The following DMD variants were observed in gnomAD, a reference collection of about 807,000 sequenced individuals.
The protein encoded by DMD is dystrophin.
DMD carries 63 observed loss-of-function variants against 330.1 expected under a neutral mutation model. The ratio of observed to expected loss-of-function variants is 0.19; its 90% confidence interval spans 0.16 to 0.24. The LOEUF (loss-of-function observed/expected upper bound fraction) is 0.24, where lower values mean the gene tolerates loss of function less well. Among genes scored for constraint, DMD ranks in the 10% least tolerant of loss-of-function variants. The pLI is 1.00. For missense variants in DMD, 3,344 were observed against 2,684.1 expected, an observed-to-expected ratio of 1.25 and a Z score of -5.43; for synonymous variants, 1,223 against 959.8, an observed-to-expected ratio of 1.27 and a Z score of -5.07.
chrX:32,978,609 A>G (rs1032188428), intron 2 of DMD, among the ~76,000 whole-genome samples: 1 of 111,722 alleles, frequency 9.0e-6, no homozygotes, highest in East Asian at 2.8e-4. Flanking sequence ...AGCTGGGATT[A>G]CAGGCGTGCG....
At chrX:32,415,346 G>A (rs189697498) in intron 29 of DMD, among the ~76,000 whole-genome samples, 1 of 111,822 alleles carries the variant, frequency 8.9e-6, no homozygotes, top group East Asian at 2.8e-4. Context: ...CTCTTTTCCT[G>A]GCCTGACAGT....
At chrX:31,915,036 A>T (rs190803047) in intron 47 of DMD, among the ~76,000 whole-genome samples, 4,092 of 112,283 alleles carry the variant, frequency 0.036, 203 homozygotes, top group African/African-American at 0.12. Context: ...ACAAAAATTT[A>T]AAAAAATTTT....
At chrX:31,684,918 T>G (rs1385509434) in intron 52 of DMD, among the ~76,000 whole-genome samples, 2 of 112,266 alleles carry the variant, frequency 1.8e-5, no homozygotes, top group African/African-American at 6.5e-5. Flanking sequence ...TTCTAACTTA[T>G]AGAGAGAGAC....
chrX:32,499,348 A>C (rs1354434449), intron 19 of DMD, among the ~76,000 whole-genome samples: 1 of 111,854 alleles, frequency 8.9e-6, no homozygotes, highest in African/African-American at 3.2e-5. Flanking sequence ...TATATGTTAA[A>C]TATTTTCACT....
At chrX:31,240,127 G>T (rs1487703703) in intron 63 of DMD, among the ~76,000 whole-genome samples, 1 of 110,687 alleles carries the variant, frequency 9.0e-6, no homozygotes, top group African/African-American at 3.3e-5. Flanking sequence ...CTGGGTTCCT[G>T]TCTTATTAAA....
At chrX:33,013,848 T>C (rs369636961) in intron 2 of DMD, among the ~76,000 whole-genome samples, 3 of 111,733 alleles carry the variant, frequency 2.7e-5, no homozygotes, top group East Asian at 5.7e-4. Context: ...CGCACGCGCG[T>C]GTGTGTGTTT....
At chrX:31,155,943 C>T (rs1412765542) in intron 74 of DMD, among the ~76,000 whole-genome samples, 1 of 110,146 alleles carries the variant, frequency 9.1e-6, no homozygotes, top group East Asian at 2.8e-4. Flanking sequence ...TGCAGTGAGC[C>T]ATGATCATGC....
intron 7 of DMD, among the ~76,000 whole-genome samples, chrX:32,750,168 T>C (rs781328414): frequency 8.9e-6 from 1 of 112,420 alleles, no homozygotes; most frequent in Non-Finnish European, 1.9e-5. Context: ...AAATCATGTA[T>C]ATTGCTACAT....
At chrX:32,058,196 G>A (rs7884962) in intron 44 of DMD, among the ~76,000 whole-genome samples, 3,882 of 110,253 alleles carry the variant, frequency 0.035, 63 homozygotes, top group African/African-American at 0.045. Context: ...TGGATATGAC[G>A]CTAAAAGGAC....
chrX:31,261,985 C>T (rs995820530), intron 62 of DMD, among the ~76,000 whole-genome samples: 4 of 111,866 alleles, frequency 3.6e-5, no homozygotes, highest in African/African-American at 6.5e-5. Context: ...AAAGAGAAAT[C>T]GCTTAAACTG....
chrX:31,711,558 A>G (rs2084641350), intron 52 of DMD, among the ~76,000 whole-genome samples: 1 of 111,730 alleles, frequency 9.0e-6, no homozygotes, highest in South Asian at 3.7e-4. Context: ...ATTATCTTAA[A>G]ATCAGACTTG....
intron 1 of DMD, among the ~76,000 whole-genome samples, chrX:33,333,894 A>G (rs2054214667): frequency 1.8e-5 from 2 of 111,178 alleles, no homozygotes; most frequent in Non-Finnish European, 3.8e-5. Context: ...CACACTCATA[A>G]TGTTATAAAA....
At chrX:31,784,209 T>C (rs897057454) in intron 50 of DMD, among the ~76,000 whole-genome samples, 4 of 111,819 alleles carry the variant, frequency 3.6e-5, no homozygotes, top group African/African-American at 1.3e-4. Flanking sequence ...CCAAAGAAAA[T>C]ATATACACAG....
At chrX:31,959,735 T>A (rs1038641854) in intron 45 of DMD, among the ~76,000 whole-genome samples, 1 of 108,099 alleles carries the variant, frequency 9.3e-6, no homozygotes, top group Non-Finnish European at 1.9e-5. Context: ...TCTTAAACAG[T>A]TGTCTTACCT....
intron 60 of DMD, among the ~76,000 whole-genome samples, chrX:31,405,386 G>T (rs994861449): frequency 1.8e-4 from 20 of 112,004 alleles, no homozygotes; most frequent in African/African-American, 5.8e-4. Context: ...TGATAAATCT[G>T]TAAGAAATTT....
intron 2 of DMD, 27 bp downstream of exon 2, chrX:33,020,112 A>C (rs773486195): frequency 6.1e-6 from 7 of 1,150,684 alleles, no homozygotes; most frequent in Non-Finnish European, 7.1e-6. Flanking sequence ...CTTAGATCTT[A>C]AAAGTAAAGT....
intron 12 of DMD, among the ~76,000 whole-genome samples, chrX:32,602,541 C>G (rs1234087768): frequency 9.0e-6 from 1 of 111,456 alleles, no homozygotes; most frequent in East Asian, 2.8e-4. Context: ...CAATGATTAT[C>G]CTCCTGCTCA....
At chrX:33,220,548 G>C (rs1022390123) in intron 1 of DMD, among the ~76,000 whole-genome samples, 1 of 111,588 alleles carries the variant, frequency 9.0e-6, no homozygotes, top group Non-Finnish European at 1.9e-5. Context: ...CTTTTTGCAT[G>C]TGTGATAAAT....
intron 47 of DMD, among the ~76,000 whole-genome samples, chrX:31,899,235 G>A (rs2094390019): frequency 9.0e-6 from 1 of 111,120 alleles, no homozygotes; most frequent in Admixed American, 9.6e-5. Flanking sequence ...ATAAGAAAAT[G>A]CATTTCTAAA....
Sources: allele counts gnomAD v4.1 joint callset (sites outside exome capture counted in the v4.1 genomes callset), GRCh38; gene constraint gnomAD v4.1.1; transcripts MANE v1.5; gene names NCBI Gene and HGNC (gene_info 2026-07-23, HGNC 2026-07-21).